The following ERC2 variants were observed in gnomAD, a reference collection of about 807,000 sequenced individuals.
ERC2 encodes ERC protein 2.
Under a neutral mutation model 114.8 loss-of-function variants are expected in ERC2, and 42 were observed. The ratio of observed to expected loss-of-function variants is 0.37; its 90% CI spans 0.29 to 0.47. The LOEUF (loss-of-function observed/expected upper bound fraction) is 0.47. ERC2 is among the 20% of genes least tolerant of loss of function. The pLI is 0.99. For synonymous variants in ERC2, 454 were observed against 425.5 expected, an observed-to-expected ratio of 1.07 and a Z score of -0.82; for missense variants, 939 against 1,150.7, an observed-to-expected ratio of 0.82 and a Z score of 2.66.
intron 3 of ERC2, among the ~76,000 whole-genome samples, chr3:56,280,219 G>A (rs1432181289): frequency 6.6e-6 from 1 of 152,148 alleles, no homozygotes; most frequent in African/African-American, 2.4e-5. Context: ...AGCTGGGAAA[G>A]GCAAGGGAAT....
intron 17 of ERC2, among the ~76,000 whole-genome samples, chr3:55,553,039 T>TTTTTTTTTTTTTTTTTTTTTTTTTG (rs2055336981): frequency 7.3e-6 from 1 of 136,754 alleles, no homozygotes; most frequent in African/African-American, 2.7e-5. Context: ...TTTTTTTTTT[T>TTTTTTTTTTTTTTTTTTTTTTTTTG]GAGATGGAGT....
chr3:55,806,641 G>T, intron 14 of ERC2, among the ~76,000 whole-genome samples: 1 of 152,132 alleles, frequency 6.6e-6, no homozygotes, highest in South Asian at 2.1e-4. Flanking sequence ...ATGGGCAGAG[G>T]CCAGGGATGC....
At chr3:55,545,797 C>T (rs923269736) in intron 17 of ERC2, among the ~76,000 whole-genome samples, 1 of 152,128 alleles carries the variant, frequency 6.6e-6, no homozygotes, top group South Asian at 2.1e-4. Flanking sequence ...GTCCTCCTGC[C>T]AGGGTTGTGA....
intron 14 of ERC2, among the ~76,000 whole-genome samples, chr3:55,815,955 T>C (rs376782635): frequency 7.9e-5 from 12 of 152,314 alleles, no homozygotes; most frequent in East Asian, 3.9e-4. Context: ...CTCAGGTATC[T>C]TCTTAGAGGG....
chr3:56,448,801 C>T (rs190227591), intron 1 of ERC2, among the ~76,000 whole-genome samples: 8 of 152,176 alleles, frequency 5.3e-5, no homozygotes, highest in Admixed American at 2.6e-4. Flanking sequence ...GTTGGCCGGG[C>T]GCGGTGGCTC....
chr3:55,537,374 G>T (rs2054067169), intron 17 of ERC2, among the ~76,000 whole-genome samples: 1 of 152,204 alleles, frequency 6.6e-6, no homozygotes, highest in Non-Finnish European at 1.5e-5. Flanking sequence ...AATATCAAAG[G>T]GTGAGATACC....
chr3:55,812,089 C>G (rs1295968459), intron 14 of ERC2, among the ~76,000 whole-genome samples: 1 of 152,178 alleles, frequency 6.6e-6, no homozygotes, highest in Non-Finnish European at 1.5e-5. Context: ...TCAGCACCCA[C>G]TTATAAGTGA....
At chr3:56,135,326 C>T (rs985050772) in intron 6 of ERC2, among the ~76,000 whole-genome samples, 21 of 152,208 alleles carry the variant, frequency 1.4e-4, no homozygotes, top group African/African-American at 5.1e-4. Flanking sequence ...TTGTCCATAT[C>T]ATTCTAAGAC....
intron 2 of ERC2, among the ~76,000 whole-genome samples, chr3:56,389,762 A>G (rs763178852): frequency 1.3e-5 from 2 of 152,210 alleles, no homozygotes; most frequent in Non-Finnish European, 2.9e-5. Flanking sequence ...CCAGAAATCA[A>G]GAAACCCAGG....
intron 7 of ERC2, among the ~76,000 whole-genome samples, chr3:56,054,591 T>G (rs1420133948): frequency 6.6e-6 from 1 of 152,228 alleles, no homozygotes; most frequent in Non-Finnish European, 1.5e-5. Context: ...CATTGTATCA[T>G]TTCATTCTCC....
intron 2 of ERC2, among the ~76,000 whole-genome samples, chr3:56,412,974 T>C (rs2061000039): frequency 6.6e-6 from 1 of 152,234 alleles, no homozygotes; most frequent in Non-Finnish European, 1.5e-5. Context: ...TAATTTCTTA[T>C]GTGGGGGTTG....
At chr3:55,955,839 G>A (rs2067914664) in intron 12 of ERC2, among the ~76,000 whole-genome samples, 1 of 152,204 alleles carries the variant, frequency 6.6e-6, no homozygotes, top group Admixed American at 6.5e-5. Flanking sequence ...TCTAGGGAGA[G>A]CAGTGGCTAA....
rs924013518 is a variant in ERC2, at chr3:56,216,725, C to T, written c.1075-43205G>A. Among the ~76,000 whole-genome samples, 35 of 152,210 alleles carry T rather than the reference C, an allele frequency of 2.3e-4. No homozygotes were observed. The East Asian group carries it at 2.3e-3, about 10-fold the overall frequency. Reference sequence around the variant, plus strand: ...TTAGACCAATATCCTTGAGGAACATCGATGCAAAAATCCTCAGTAAAATAC... The same window carrying T: ...TTAGACCAATATCCTTGAGGAACATTGATGCAAAAATCCTCAGTAAAATAC... On this transcript the variant is annotated intron_variant, in intron 3 of 17. Coordinates refer to ENST00000288221, the MANE Select transcript of ERC2 (RefSeq NM_015576.3).
At position 55,891,437 on chromosome 3, in the gene ERC2, A is replaced by ATTT. The variant is rs869073962; in HGVS notation, c.2404-2891_2404-2889dup. 8.0e-4 allele frequency among the ~76,000 whole-genome samples: 70 copies of ATTT among 86,966 alleles called. 4 individuals carry two copies. Among genetic ancestry groups the ATTT allele is most frequent in the East Asian group, 2.0e-3 (4 of 2,014 alleles). 57.1% of individuals were successfully genotyped at this position (86,966 alleles called of 152,430 possible). A position where few individuals can be genotyped will look rare whatever the true frequency, so the allele number is the denominator to read the frequency against. On this transcript the variant is annotated intron_variant, in intron 13 of 17. Coordinates refer to ENST00000288221, the MANE Select transcript of ERC2 (RefSeq NM_015576.3). ...CTTCACTGGTGAACTGTCTGGTTCT[A>ATTT]TTTTTTTTTTTTTTTTTTTTTTTTT...
intron 2 of ERC2, 115 bp from the exon 3 acceptor site, chr3:56,296,550 C>T (rs555007601): frequency 1.2e-5 from 14 of 1,140,196 alleles, no homozygotes; most frequent in Middle Eastern, 5.6e-4. Flanking sequence ...TCATGAGGTC[C>T]GGAGGGCCAG....
intron 2 of ERC2, among the ~76,000 whole-genome samples, chr3:56,422,530 C>T (rs998390558): frequency 1.3e-5 from 2 of 152,150 alleles, no homozygotes; most frequent in African/African-American, 2.4e-5. Context: ...CCTCCCTCCT[C>T]GCCTGTTCCT....
chr3:55,607,614 GTTT>G (rs367596448), intron 17 of ERC2, among the ~76,000 whole-genome samples: 10,788 of 132,272 alleles, frequency 0.082, 531 homozygotes, highest in African/African-American at 0.14. Context: ...AAAATAGTGT[GTTT>G]TTTTTTTTTT....
chr3:55,834,741 G>A (rs532283738), intron 14 of ERC2, among the ~76,000 whole-genome samples: 2 of 136,640 alleles, frequency 1.5e-5, no homozygotes, highest in Non-Finnish European at 3.0e-5. Flanking sequence ...GCTAGCAGAA[G>A]GCAAGAAATA....
chr3:55,926,150 A>G (rs2065734530), intron 13 of ERC2, among the ~76,000 whole-genome samples: 1 of 152,200 alleles, frequency 6.6e-6, no homozygotes, highest in Non-Finnish European at 1.5e-5. Flanking sequence ...ATCATTAAAT[A>G]GATGTCAAAT....
Sources: allele counts gnomAD v4.1 joint callset (sites outside exome capture counted in the v4.1 genomes callset), GRCh38; gene constraint gnomAD v4.1.1; transcripts MANE v1.5; gene names NCBI Gene and HGNC (gene_info 2026-07-23, HGNC 2026-07-21).